EPX: variants seen among roughly 807,000 people sequenced by gnomAD.
The protein encoded by EPX is eosinophil peroxidase.
Under a neutral mutation model 73.0 loss-of-function variants are expected in EPX, and 60 were observed. The observed-to-expected ratio is 0.82, with a 90% CI of 0.67 to 1.02. The LOEUF (loss-of-function observed/expected upper bound fraction) is 1.02, where lower values mean the gene tolerates loss of function less well. Among genes scored for constraint, EPX ranks in the 50% least tolerant of loss-of-function variants. The pLI is 0.00. For synonymous variants in EPX, 347 were observed against 389.2 expected (o/e 0.89, Z 1.28); for missense variants, 950 against 973.9 (o/e 0.98, Z 0.33).
rs1567790921 is a variant in EPX at position 58,203,263 on chromosome 17, C to T, written c.1891C>T (p.Pro631Ser). ...TCTTTTGCCGGGGGCTCGAGTGGGG[C>T]CTCTTCTGGCTTGTCTGTTCGAGAA... ...EPLLPGARVG[P>S]LLACLFENQF... Residue 631 changes from proline to serine, a missense_variant, in exon 11 of 13, where the codon CCT becomes TCT. By Grantham distance (74) the Pro-to-Ser change is moderately conservative. Coordinates refer to ENST00000225371, the MANE Select transcript of EPX (RefSeq NM_000502.6). The T allele has an allele frequency of 3.1e-6, 5 of 1,614,176 alleles. No individual in the cohort carries two copies. The highest frequency in any genetic ancestry group is 1.6e-4 in the Middle Eastern group (1 of 6,062).
rs774425519 is a variant in EPX at position 58,194,996 on chromosome 17, C to G, written c.627C>G (p.Phe209Leu). The G allele has an allele frequency of 1.9e-6, 3 of 1,614,036 alleles. No homozygotes were observed. The African/African-American group carries it at 4.0e-5, about 22-fold the overall frequency. The change falls in exon 6 of 13, where the codon TTC becomes TTG. Residue 209 changes from phenylalanine to leucine, a missense_variant. Phe to Leu is a conservative substitution (Grantham distance 22, BLOSUM62 0). Transcript: ENST00000225371. ...CTGTCTCCAACCAGATTGTGCGCTT[C>G]CCCAATGAGAGACTGACCTCCGACC... is the stretch of plus-strand genomic sequence containing the variant. ...VRAVSNQIVR[F>L]PNERLTSDRG... is the part of the protein sequence containing the mutation.
Position 58,193,532 on chromosome 17 carries a change from C to G in EPX, c.332C>G (p.Pro111Arg). Residue 111 changes from proline to arginine, a missense_variant, in exon 3 of 13, where the codon CCC becomes CGC. Physicochemically the swap from Pro to Arg is moderately radical, Grantham distance 103 (BLOSUM62 -2). Coordinates refer to ENST00000225371, the MANE Select transcript of EPX (RefSeq NM_000502.6). The stretch of plus-strand genomic sequence containing the variant: ...AAGTTACAACCCCAGCGGTCCGGAC[C>G]CTTCAATGTCACTGGTACTCTGATC... ...EEKLQPQRSG[P>R]FNVTDVLTEP... 1.2e-6 allele frequency: 2 copies of G among 1,614,098 alleles called. No homozygotes were observed. Among genetic ancestry groups the G allele is most frequent in the Non-Finnish European group, 1.7e-6 (2 of 1,179,984 alleles).
In EPX at chr17:58,204,250, A is replaced by C; in HGVS notation, c.1975A>C (p.Thr659Pro). ...RFWWQKRGVF[T>P]KRQRKALSRI... ...CTGGTGGCAGAAACGAGGTGTTTTCACCAAAAGACAGCGCAAGGCCCTGAG... is the reference window on the plus strand; with the variant it reads ...CTGGTGGCAGAAACGAGGTGTTTTCCCCAAAAGACAGCGCAAGGCCCTGAG... Residue 659 changes from threonine to proline, a missense_variant, in exon 12 of 13, where the codon ACC becomes CCC. Transcript: ENST00000225371. 1 of 1,614,148 alleles carries C rather than the reference A, an allele frequency of 6.2e-7. No homozygotes were observed. Among genetic ancestry groups the C allele is most frequent in the African/African-American group, 1.3e-5 (1 of 75,034 alleles).
rs568063015 is a variant in EPX, at chr17:58,194,842, G to A, written c.595-122G>A. ...TCCAGGGACAAAAGGGGCATGGAGG[G>A]CAGAAGAGGAGAGGCTGTCAATTCC... On this transcript the variant is annotated intron_variant, in intron 5 of 12. Transcript: ENST00000225371. 4.0e-6 allele frequency: 3 copies of A among 748,226 alleles called. No individual in the cohort carries two copies. The South Asian group carries it at 4.4e-5, about 11-fold the overall frequency. 46.3% of individuals were successfully genotyped at this position (748,226 alleles called of 1,614,324 possible).
chr17:58,199,347 C>T, intron 8 of EPX, 147 bp downstream of exon 8: 2 of 1,096,500 alleles, frequency 1.8e-6, no homozygotes, highest in Non-Finnish European at 2.7e-6. Flanking sequence ...CCCGATTCTG[C>T]CTCTAACTCC....
In EPX at chr17:58,193,071, G is replaced by A. The variant is rs779762093; in HGVS notation, c.110G>A (p.Arg37Gln). 1.2e-5 allele frequency: 19 copies of A among 1,612,860 alleles called. No homozygotes were observed. The highest frequency in any genetic ancestry group is 7.7e-5 in the South Asian group (7 of 91,022). ...GGGGCAGTGGAGACCTCGGTCCTGC[G>A]AGACTGCATAGCAGAGGCCAAGTTG... ...SPGAVETSVLRDCIAEAKLLV... is the reference protein window; with the variant it reads ...SPGAVETSVLQDCIAEAKLLV... The change falls in exon 2 of 13, where the codon CGA (arginine) becomes CAA (glutamine). Residue 37 changes from arginine (R) to glutamine (Q), a missense_variant. Arg to Gln is a conservative substitution (Grantham distance 43). Coordinates refer to ENST00000225371, the MANE Select transcript of EPX (RefSeq NM_000502.6).
chr17:58,193,534 T>C lies in EPX; in HGVS notation c.334T>C (p.Phe112Leu), dbSNP rs758186180. 4.0e-5 allele frequency: 64 copies of C among 1,613,992 alleles called. No homozygotes were observed. Among genetic ancestry groups the C allele is most frequent in the Non-Finnish European group, 5.3e-5 (62 of 1,179,998 alleles). Residue 112 changes from phenylalanine to leucine, a missense_variant, in exon 3 of 13, where the codon TTC (phenylalanine) becomes CTC (leucine). Transcript: ENST00000225371. ...EKLQPQRSGP[F>L]NVTDVLTEPQ... ...GTTACAACCCCAGCGGTCCGGACCCTTCAATGTCACTGGTACTCTGATCCC... is the reference window on the plus strand; with the variant it reads ...GTTACAACCCCAGCGGTCCGGACCCCTCAATGTCACTGGTACTCTGATCCC...
chr17:58,195,078 T>A lies in EPX; in HGVS notation c.709T>A (p.Phe237Ile), dbSNP rs140411083. 8.1e-6 allele frequency: 13 copies of A among 1,614,102 alleles called. No individual in the cohort carries two copies. The African/African-American group carries it at 1.7e-4, about 22-fold the overall frequency. Residue 237 changes from phenylalanine (F) to isoleucine (I), a missense_variant, in exon 6 of 13, where the codon TTC (phenylalanine) becomes ATC (isoleucine). By Grantham distance (21) the Phe-to-Ile change is conservative (BLOSUM62 0). Transcript: ENST00000225371. The stretch of plus-strand genomic sequence containing the variant: ...CCAGTTCATTGACCATGACCTGGAC[T>A]TCTCCCCGGAGTCCCCGGCCAGAGT... ...WGQFIDHDLD[F>I]SPESPARVAF...
rs1968266193 is a variant in EPX at position 58,197,030 on chromosome 17, T to G, written c.893T>G (p.Val298Gly). Residue 298 changes from valine (V) to glycine (G), a missense_variant, in exon 7 of 13, where the codon GTC becomes GGC. Physicochemically the swap from Val to Gly is moderately radical, Grantham distance 109. Coordinates refer to ENST00000225371, the MANE Select transcript of EPX (RefSeq NM_000502.6). Reference protein sequence around the residue: ...APSCPQNKNRVRNQINALTSF... With the variant: ...APSCPQNKNRGRNQINALTSF... ...TCATGCCCCCAAAACAAGAACAGAG[T>G]CCGCAACCAGATCAACGCGCTCACC... The G allele has an allele frequency of 1.2e-6, 2 of 1,613,766 alleles. No homozygotes were observed. The highest frequency in any genetic ancestry group is 1.7e-6 in the Non-Finnish European group (2 of 1,179,944).
chr17:58,202,182 G>A (rs1250389027), intron 10 of EPX, among the ~76,000 whole-genome samples: 1 of 152,210 alleles, frequency 6.6e-6, no homozygotes, highest in Non-Finnish European at 1.5e-5. Context: ...ATACTGTGTG[G>A]TTTTCATGGG....
Position 58,203,066 on chromosome 17 carries a change from C to A in EPX, c.1709-15C>A, listed in dbSNP as rs758823921. The A allele has an allele frequency of 6.3e-7, 1 of 1,592,840 alleles. No homozygotes were observed. The highest frequency in any genetic ancestry group is 1.1e-5 in the South Asian group (1 of 90,608). ...ATCAGCAAGACTGAAGCTGCTTCTC[C>A]CCGTTCCCCTGCAGGGTACAATGCT... On this transcript the variant is annotated splice_polypyrimidine_tract_variant and intron_variant, in intron 10 of 12. Coordinates refer to ENST00000225371, the MANE Select transcript of EPX (RefSeq NM_000502.6).
At position 58,202,854 on chromosome 17, in the gene EPX, C is replaced by T. The variant is rs541118802; in HGVS notation, c.1709-227C>T. On this transcript the variant is annotated intron_variant, in intron 10 of 12. Transcript: ENST00000225371. The stretch of plus-strand genomic sequence containing the variant: ...GTTAAAACAGCTTTTTAGGTTAGGA[C>T]ACACTCCTCAGTCTGATGCACACTG... 5 of 575,468 alleles carry T rather than the reference C, an allele frequency of 8.7e-6. No homozygotes were observed. The South Asian group carries it at 9.9e-5, about 11-fold the overall frequency. The allele number at this position is 575,468 out of a possible 1,614,324, so 35.6% of individuals were successfully genotyped here. A position where few individuals can be genotyped will look rare whatever the true frequency, so the allele number is the denominator to read the frequency against.
intron 7 of EPX, 67 bp from the exon 8 acceptor site, chr17:58,198,973 G>A (rs958322870): frequency 1.3e-6 from 2 of 1,551,778 alleles, no homozygotes; most frequent in Non-Finnish European, 1.8e-6. Context: ...CCAGCCCTGG[G>A]TCTACCCTGG....
In EPX at chr17:58,193,990, C is replaced by T. The variant is rs777256507; in HGVS notation, c.492C>T (p.Asn164=). ...NKRRPLLGAS[N]QALARWLPAE... is the part of the protein sequence containing the mutation. ...GGAGACCCTTGCTAGGGGCCTCCAA[C>T]CAGGCTCTGGCTCGCTGGCTGCCCG... Residue 164 remains asparagine, a synonymous_variant, in exon 5 of 13, where the codon AAC becomes AAT. Coordinates refer to ENST00000225371, the MANE Select transcript of EPX (RefSeq NM_000502.6). 8.1e-6 allele frequency: 13 copies of T among 1,613,080 alleles called. No homozygotes were observed. The South Asian group carries it at 1.2e-4, about 15-fold the overall frequency.
At chr17:58,197,663 A>AT (rs1468043497) in intron 7 of EPX, among the ~76,000 whole-genome samples, 5 of 151,278 alleles carry the variant, frequency 3.3e-5, no homozygotes, top group African/African-American at 1.2e-4. Flanking sequence ...CTCCATCTCC[A>AT]TTTTTTTTCT....
In EPX at chr17:58,197,087, G is replaced by A; in HGVS notation, c.950G>A (p.Ser317Asn). ...GTGGACGCCAGCATGGTGTATGGCA[G>A]TGAGGTCTCCCTCTCGCTGCGGCTC... ...SFVDASMVYG[S>N]EVSLSLRLRN... is the part of the protein sequence containing the mutation. The change falls in exon 7 of 13, where the codon AGT becomes AAT. Residue 317 changes from serine to asparagine, a missense_variant. Ser to Asn is a conservative substitution (Grantham distance 46). Transcript: ENST00000225371. 1 of 1,614,232 alleles carries A rather than the reference G, an allele frequency of 6.2e-7. No individual in the cohort carries two copies.
chr17:58,198,973 GTC>G, intron 7 of EPX, 65 bp from the exon 8 acceptor site: 1 of 1,551,778 alleles, frequency 6.4e-7, no homozygotes. Context: ...CCAGCCCTGG[GTC>G]TACCCTGGTA....
Position 58,199,699 on chromosome 17 carries a change from T to A in EPX, c.1442T>A (p.Met481Lys). 6.2e-7 allele frequency: 1 copy of A among 1,614,250 alleles called. No individual in the cohort carries two copies. Among genetic ancestry groups the A allele is most frequent in the Non-Finnish European group, 8.5e-7 (1 of 1,180,038 alleles). Residue 481 changes from methionine (M) to lysine (K), a missense_variant, in exon 9 of 13, where the codon ATG (methionine) becomes AAG (lysine). Coordinates refer to ENST00000225371, the MANE Select transcript of EPX (RefSeq NM_000502.6). ...GGCCACACAATGCTCCAGCCCTTCA[T>A]GTTCCGCTTGGACAGTCAGTACCGG... The part of the protein sequence containing the change: ...RFGHTMLQPF[M>K]FRLDSQYRAS...
Position 58,194,089 on chromosome 17 carries a change from T to C in EPX, c.591T>C (p.Pro197=). The C allele has an allele frequency of 1.2e-6, 2 of 1,613,248 alleles. No individual in the cohort carries two copies. Among genetic ancestry groups the C allele is most frequent in the Non-Finnish European group, 1.7e-6 (2 of 1,179,990 alleles). Residue 197 remains proline, a synonymous_variant, in exon 5 of 13, where the codon CCT becomes CCC. Coordinates refer to ENST00000225371, the MANE Select transcript of EPX (RefSeq NM_000502.6). ...PSRRRNGFLL[P]LVRAVSNQIV... The stretch of plus-strand genomic sequence containing the variant: ...GGAGGCGCAATGGCTTCCTTCTCCC[T>C]CTTGTGAGTTGGGGCTGAGGGTTTG...
Sources: allele counts gnomAD v4.1 joint callset (sites outside exome capture counted in the v4.1 genomes callset), GRCh38; gene constraint gnomAD v4.1.1; transcripts MANE v1.5; gene names NCBI Gene and HGNC (gene_info 2026-07-23, HGNC 2026-07-21).